The following TUSC3 variants were observed in gnomAD, a reference collection of about 807,000 sequenced individuals.
The protein encoded by TUSC3 is dolichyl-diphosphooligosaccharide--protein glycosyltransferase subunit TUSC3.
In TUSC3, 45 loss-of-function variants were observed where a neutral mutation model predicts 44.8. The observed-to-expected ratio is 1.00, with a 90% CI of 0.79 to 1.29. TUSC3 has a LOEUF of 1.29. Among genes scored for constraint, TUSC3 ranks in the 50% most tolerant of loss-of-function variants. The pLI, the probability that TUSC3 is intolerant of heterozygous loss-of-function variation, is 0.00. For synonymous variants in TUSC3, 212 were observed against 152.9 expected (o/e 1.39, Z -2.85); for missense variants, 519 against 437.9 (o/e 1.19, Z -1.65).
chr8:15,510,101 A>G (rs1276278605), intron 2 of TUSC3, among the ~76,000 whole-genome samples: 2 of 152,196 alleles, frequency 1.3e-5, no homozygotes, highest in Non-Finnish European at 2.9e-5. Flanking sequence ...TGAGCCCAAG[A>G]GTTCAAGGTT....
intron 1 of TUSC3, among the ~76,000 whole-genome samples, chr8:15,568,451 CTA>C (rs2129142409): frequency 6.6e-6 from 1 of 152,142 alleles, no homozygotes; most frequent in African/African-American, 2.4e-5. Flanking sequence ...TACCTTATTA[CTA>C]TATGAACTTA....
chr8:15,610,034 C>G (rs1210688316), intron 1 of TUSC3, among the ~76,000 whole-genome samples: 1 of 151,894 alleles, frequency 6.6e-6, no homozygotes, highest in Non-Finnish European at 1.5e-5. Context: ...ATTTTTGTTG[C>G]TGTTGATCAC....
chr8:15,581,378 G>A (rs933428417), intron 1 of TUSC3, among the ~76,000 whole-genome samples: 1 of 150,000 alleles, frequency 6.7e-6, no homozygotes, highest in African/African-American at 2.5e-5. Context: ...CGTTCCTTTG[G>A]AGGAGGAGAG....
rs372890371 is a variant in TUSC3, at chr8:15,512,850, G to A, written n.189+29367G>A. Among the ~76,000 whole-genome samples, 3 of 129,798 alleles carry A rather than the reference G, an allele frequency of 2.3e-5. No individual in the cohort carries two copies. In the East Asian group the frequency reaches 7.0e-4, roughly 30 times the overall value. 85.2% of individuals were successfully genotyped at this position (129,798 alleles called of 152,430 possible). ...TGTGTGTGTGTATATATATTTGTGT[G>A]TGTGTGTATATATATGTGTGTGTAT... is the stretch of plus-strand genomic sequence containing the variant. On this transcript the variant is annotated intron_variant and non_coding_transcript_variant, in intron 2 of 5. Transcript: ENST00000503191.
intron 1 of TUSC3, among the ~76,000 whole-genome samples, chr8:15,592,909 GACTCAA>G (rs1803911700): frequency 6.6e-6 from 1 of 152,098 alleles, no homozygotes; most frequent in African/African-American, 2.4e-5. Context: ...TTGTCATCAG[GACTCAA>G]ACTCAGGCGT....
chr8:15,690,354 G>GT (rs34032730), intron 6 of TUSC3, among the ~76,000 whole-genome samples: 31,458 of 145,720 alleles, frequency 0.22, 4,072 homozygotes, highest in Non-Finnish European at 0.31. Flanking sequence ...TTTAAAGGGA[G>GT]TTTTTTTTTT....
chr8:15,462,961 AG>A (rs1800365722), intron 1 of TUSC3, among the ~76,000 whole-genome samples: 1 of 152,116 alleles, frequency 6.6e-6, no homozygotes, highest in Non-Finnish European at 1.5e-5. Flanking sequence ...GAAAATAAAA[AG>A]AATGTATTTG....
At chr8:15,480,243 A>G (rs1165033653) in intron 1 of TUSC3, among the ~76,000 whole-genome samples, 1 of 152,240 alleles carries the variant, frequency 6.6e-6, no homozygotes, top group Admixed American at 6.5e-5. Context: ...CAACATAAAA[A>G]TGCCCATATT....
At chr8:15,686,596 A>G (rs1301401235) in intron 6 of TUSC3, among the ~76,000 whole-genome samples, 1 of 152,174 alleles carries the variant, frequency 6.6e-6, no homozygotes, top group Non-Finnish European at 1.5e-5. Context: ...TTTGAGAGTC[A>G]TTAAGGATGC....
chr8:15,673,291 C>A (rs1013129487), intron 5 of TUSC3, among the ~76,000 whole-genome samples: 2 of 152,004 alleles, frequency 1.3e-5, no homozygotes, highest in African/African-American at 4.8e-5. Flanking sequence ...TAGGTACTTA[C>A]GGAGATTTAA....
At chr8:15,770,354 A>G (rs2129227116), downstream of TUSC3, among the ~76,000 whole-genome samples, 1 of 152,260 alleles carries the variant, frequency 6.6e-6, no homozygotes, top group African/African-American at 2.4e-5. Context: ...TGAGAGTTGG[A>G]CAGTGAGAAC....
At chr8:15,791,463 A>G in the TUSC3 span, among the ~76,000 whole-genome samples, 1 of 152,204 alleles carries the variant, frequency 6.6e-6, no homozygotes, top group African/African-American at 2.4e-5. Flanking sequence ...TGTGTGGTTT[A>G]CATTGCATTG....
chr8:15,593,757 AAG>A (rs1386434498), intron 1 of TUSC3, among the ~76,000 whole-genome samples: 2 of 151,984 alleles, frequency 1.3e-5, no homozygotes, highest in African/African-American at 2.4e-5. Context: ...TTCTACATCC[AAG>A]ATCCTTTTCT....
chr8:15,506,470 C>G (rs901057894), intron 2 of TUSC3, among the ~76,000 whole-genome samples: 1 of 152,160 alleles, frequency 6.6e-6, no homozygotes, highest in South Asian at 2.1e-4. Context: ...CTTGTATTAG[C>G]TCATTTTCAT....
chr8:15,697,155 T>C (rs1809204849), intron 6 of TUSC3, among the ~76,000 whole-genome samples: 1 of 152,206 alleles, frequency 6.6e-6, no homozygotes, highest in Non-Finnish European at 1.5e-5. Flanking sequence ...TTGAGCTTGT[T>C]TGGATTTTGT....
chr8:15,696,827 C>G (rs1477785795), intron 6 of TUSC3, among the ~76,000 whole-genome samples: 1 of 152,074 alleles, frequency 6.6e-6, no homozygotes, highest in African/African-American at 2.4e-5. Flanking sequence ...AGGGAGGGTT[C>G]CTTCTTTCTC....
chr8:15,471,766 C>T (rs1182138724), intron 1 of TUSC3, among the ~76,000 whole-genome samples: 1 of 151,978 alleles, frequency 6.6e-6, no homozygotes, highest in Non-Finnish European at 1.5e-5. Context: ...TGCAGGTGCT[C>T]ACCAACACGT....
At chr8:15,643,856 T>G (rs1189900302) in intron 2 of TUSC3, among the ~76,000 whole-genome samples, 1 of 152,160 alleles carries the variant, frequency 6.6e-6, no homozygotes, top group African/African-American at 2.4e-5. Flanking sequence ...CCTTAAGTAA[T>G]AGGTGAGTGT....
chr8:15,793,296 A>G, the TUSC3 span, among the ~76,000 whole-genome samples: 1 of 152,164 alleles, frequency 6.6e-6, no homozygotes, highest in Non-Finnish European at 1.5e-5. Flanking sequence ...TACAATAACT[A>G]CAAGACTCGA....
Sources: allele counts gnomAD v4.1 joint callset (sites outside exome capture counted in the v4.1 genomes callset), GRCh38; gene constraint gnomAD v4.1.1; transcripts MANE v1.5; gene names NCBI Gene and HGNC (gene_info 2026-07-23, HGNC 2026-07-21).